CADPS: variants seen among roughly 807,000 people sequenced by gnomAD.
CADPS encodes calcium dependent secretion activator.
Under a neutral mutation model 167.3 loss-of-function variants are expected in CADPS, and 57 were observed. That is an observed-to-expected ratio of 0.34 (90% CI 0.28 to 0.42). The LOEUF (loss-of-function observed/expected upper bound fraction) is 0.42, where lower values mean the gene tolerates loss of function less well. Among genes scored for constraint, CADPS ranks in the 20% least tolerant of loss-of-function variants. The pLI is 1.00. For missense variants in CADPS, 1,414 were observed against 1,738.1 expected, an observed-to-expected ratio of 0.81 and a Z score of 3.32; for synonymous variants, 676 against 635.3, an observed-to-expected ratio of 1.06 and a Z score of -0.96.
At chr3:62,709,098 T>C (rs1163031537) in intron 3 of CADPS, among the ~76,000 whole-genome samples, 3 of 152,118 alleles carry the variant, frequency 2.0e-5, no homozygotes, top group African/African-American at 7.3e-5. Flanking sequence ...CATCTGACAG[T>C]TAATACTGGC....
rs185627120 is a variant in CADPS at position 62,727,249 on chromosome 3, T to C, written c.888+26192A>G. Among the ~76,000 whole-genome samples the C allele has an allele frequency of 6.6e-5, 10 of 151,950 alleles. 1 individual carries two copies. Among genetic ancestry groups the C allele is most frequent in the Admixed American group, 5.9e-4 (9 of 15,278 alleles). On this transcript the variant is annotated intron_variant, in intron 3 of 29. Coordinates refer to ENST00000383710, the MANE Select transcript of CADPS (RefSeq NM_003716.4). ...AGAAGCTTCAAACTACAAACCAGAA[T>C]ACTGCACAGCAGTGAAGGAGAACAA... is the stretch of plus-strand genomic sequence containing the variant.
Position 62,451,984 on chromosome 3 carries a change from T to C in CADPS, c.3637-6187A>G, listed in dbSNP as rs1293682453. Among the ~76,000 whole-genome samples, 3 of 152,194 alleles carry C rather than the reference T, an allele frequency of 2.0e-5. No individual in the cohort carries two copies. In the East Asian group the frequency reaches 5.8e-4, roughly 29 times the overall value. On this transcript the variant is annotated intron_variant, in intron 26 of 29. Transcript: ENST00000383710. ...TCTCACCAGCCTCATATCTAGAATG[T>C]AGGTGCTCTCTTTCCTTAGTGTCTA...
chr3:62,766,572 T>C (rs545558619), intron 1 of CADPS, among the ~76,000 whole-genome samples: 2 of 152,288 alleles, frequency 1.3e-5, no homozygotes, highest in South Asian at 2.1e-4. Context: ...TCAAACTTTA[T>C]TGTTGTTGGT....
At chr3:62,797,645 C>T (rs1243492642) in intron 1 of CADPS, among the ~76,000 whole-genome samples, 1 of 151,904 alleles carries the variant, frequency 6.6e-6, no homozygotes, top group Non-Finnish European at 1.5e-5. Context: ...AGAAGAACAA[C>T]ACACAATGGG....
chr3:62,663,212 T>C (rs2073696396), intron 3 of CADPS, among the ~76,000 whole-genome samples: 1 of 152,172 alleles, frequency 6.6e-6, no homozygotes, highest in African/African-American at 2.4e-5. Context: ...CACTCCTCCC[T>C]TGCAGGTGAA....
In CADPS at chr3:62,438,091, G is replaced by A; in HGVS notation, c.3777+13C>T. The A allele has an allele frequency of 6.4e-7, 1 of 1,557,272 alleles. No homozygotes were observed. Among genetic ancestry groups the A allele is most frequent in the Non-Finnish European group, 8.9e-7 (1 of 1,129,108 alleles). ...CCTCCTTGGTTTTCAAGGAGGAGAA[G>A]GCATTTACTTACATCAAATAACCTT... is the stretch of plus-strand genomic sequence containing the variant. On this transcript the variant is annotated intron_variant, in intron 28 of 29. Coordinates refer to ENST00000383710, the MANE Select transcript of CADPS (RefSeq NM_003716.4). This position sits in a 1 kb window ranked among gnomAD's most constrained non-coding sequence, Gnocchi z 4.7.
At chr3:62,597,183 A>T (rs1322622692) in intron 6 of CADPS, among the ~76,000 whole-genome samples, 1 of 152,106 alleles carries the variant, frequency 6.6e-6, no homozygotes, top group South Asian at 2.1e-4. Flanking sequence ...TCTACAAAAA[A>T]CAAAGTAAAA....
chr3:62,418,301 T>G (rs1418350112), intron 28 of CADPS, among the ~76,000 whole-genome samples: 5 of 150,782 alleles, frequency 3.3e-5, no homozygotes, highest in African/African-American at 1.2e-4. Context: ...TTACATGTTT[T>G]CTTTTTCTTT....
At chr3:62,551,036 C>T in intron 10 of CADPS, 1 of 420,494 alleles carries the variant, frequency 2.4e-6, no homozygotes, top group Non-Finnish European at 4.8e-6. Flanking sequence ...CTTAGAAGCA[C>T]CCTCTCTCAT....
At chr3:62,500,141 T>G in intron 17 of CADPS, 1 of 152,106 alleles carries the variant, frequency 6.6e-6, no homozygotes, top group East Asian at 1.9e-4. Context: ...AGGTTTTCTT[T>G]CTTTCTTTTC....
chr3:62,742,889 A>C (rs183949498), intron 3 of CADPS, among the ~76,000 whole-genome samples: 2 of 152,328 alleles, frequency 1.3e-5, no homozygotes. Context: ...GCATCTGACA[A>C]GGTCTAATAT....
At chr3:62,631,145 C>T (rs540985274) in intron 6 of CADPS, among the ~76,000 whole-genome samples, 10 of 152,108 alleles carry the variant, frequency 6.6e-5, no homozygotes, top group African/African-American at 2.4e-4. Flanking sequence ...AATATACACA[C>T]ACACTTATTT....
intron 18 of CADPS, among the ~76,000 whole-genome samples, chr3:62,495,995 G>A (rs2064696464): frequency 6.6e-6 from 1 of 151,840 alleles, no homozygotes; most frequent in Non-Finnish European, 1.5e-5. Flanking sequence ...ACTTTGATTT[G>A]AGTGGTACCA....
chr3:62,534,352 C>G (rs1258666234), intron 12 of CADPS, among the ~76,000 whole-genome samples: 1 of 152,140 alleles, frequency 6.6e-6, no homozygotes, highest in Non-Finnish European at 1.5e-5. Flanking sequence ...ACACTCTAAT[C>G]TTGTATTAGG....
At chr3:62,559,273 C>A (rs1271021072) in intron 9 of CADPS, among the ~76,000 whole-genome samples, 1 of 152,132 alleles carries the variant, frequency 6.6e-6, no homozygotes, top group East Asian at 1.9e-4. Context: ...GTCTCATAAG[C>A]AAAATCTGCC....
intron 1 of CADPS, among the ~76,000 whole-genome samples, chr3:62,867,287 G>A (rs143025887): frequency 0.022 from 3,369 of 152,052 alleles, 61 homozygotes; most frequent in South Asian, 0.056. Context: ...AAGAAAATAA[G>A]GAACTCTGAG....
chr3:62,718,124 C>T (rs995614424), intron 3 of CADPS, among the ~76,000 whole-genome samples: 3 of 151,970 alleles, frequency 2.0e-5, no homozygotes, highest in Non-Finnish European at 2.9e-5. Flanking sequence ...TATTTCATAG[C>T]CCTTACTACC....
At chr3:62,489,050 T>A (rs1367338728) in intron 21 of CADPS, among the ~76,000 whole-genome samples, 2 of 152,212 alleles carry the variant, frequency 1.3e-5, no homozygotes, top group Non-Finnish European at 2.9e-5. Context: ...CAAGAAAACA[T>A]CCCTAGACTA....
intron 1 of CADPS, among the ~76,000 whole-genome samples, chr3:62,803,522 G>A (rs888240762): frequency 6.6e-6 from 1 of 151,912 alleles, no homozygotes; most frequent in Non-Finnish European, 1.5e-5. Flanking sequence ...CAAAATGAAC[G>A]TGATGGCCCT....
Sources: gnomAD v4.1 joint callset for allele counts (sites outside exome capture counted in the v4.1 genomes callset) on GRCh38, gnomAD v4.1.1 for gene constraint, Gnocchi (gnomAD v3.1) non-coding constraint, MANE v1.5 for transcripts, NCBI Gene and HGNC (gene_info 2026-07-23, HGNC 2026-07-21) for gene names.